Variants in CNTNAP2 observed in about 807,000 individuals in gnomAD.
CNTNAP2 encodes the protein contactin-associated protein-like 2.
CNTNAP2 carries 98 observed loss-of-function variants against 155.2 expected under a neutral mutation model. The observed-to-expected ratio is 0.63, with a 90% CI of 0.54 to 0.75. The LOEUF (loss-of-function observed/expected upper bound fraction) is 0.75, where lower values mean the gene tolerates loss of function less well. Ranked by LOEUF, CNTNAP2 falls within the 30% of genes least tolerant of loss-of-function variation. The pLI is 0.00. For missense variants in CNTNAP2, 1,727 were observed against 1,688.1 expected (o/e 1.02, Z -0.40); for synonymous variants, 651 against 631.2 (o/e 1.03, Z -0.47).
rs530451910 is a variant in CNTNAP2, at chr7:148,006,582, G to A, written c.2383+28593G>A. On this transcript the variant is annotated intron_variant, in intron 15 of 23. Coordinates refer to ENST00000361727, the MANE Select transcript of CNTNAP2 (RefSeq NM_014141.6). ...GATCTGCCTGCCTCGGCCTTCCAAA[G>A]TGCTGGGATTACAGGCATAAGCCAC... 2.7e-5 allele frequency among the ~76,000 whole-genome samples: 4 copies of A among 149,496 alleles called. No homozygotes were observed. The East Asian group carries it at 7.9e-4, about 30-fold the overall frequency.
At chr7:147,298,277 AG>A (rs1794875113) in intron 8 of CNTNAP2, among the ~76,000 whole-genome samples, 1 of 152,026 alleles carries the variant, frequency 6.6e-6, no homozygotes, top group Non-Finnish European at 1.5e-5. Flanking sequence ...ATACAAAATT[AG>A]CCAGCTGTGG....
intron 15 of CNTNAP2, among the ~76,000 whole-genome samples, chr7:148,101,872 T>C (rs1326922999): frequency 1.3e-5 from 2 of 152,198 alleles, no homozygotes; most frequent in Non-Finnish European, 2.9e-5. Context: ...TTAAATTCAC[T>C]TTTAAAAATA....
At chr7:146,720,274 C>A (rs1563202433) in intron 1 of CNTNAP2, among the ~76,000 whole-genome samples, 1 of 152,068 alleles carries the variant, frequency 6.6e-6, no homozygotes, top group Non-Finnish European at 1.5e-5. Context: ...GTTTCTCCAG[C>A]CCCATTTATC....
chr7:146,684,703 T>G (rs1874136), intron 1 of CNTNAP2, among the ~76,000 whole-genome samples: 1 of 146,654 alleles, frequency 6.8e-6, no homozygotes, highest in Non-Finnish European at 1.5e-5. Flanking sequence ...TGTGACCTGG[T>G]GCAATTACTA....
chr7:147,782,113 C>A (rs1210177946), intron 13 of CNTNAP2, among the ~76,000 whole-genome samples: 1 of 151,650 alleles, frequency 6.6e-6, no homozygotes, highest in East Asian at 1.9e-4. Context: ...TGTTCCAGTG[C>A]GTGTCTAATA....
chr7:146,595,302 A>C (rs1798844006), intron 1 of CNTNAP2, among the ~76,000 whole-genome samples: 2 of 152,078 alleles, frequency 1.3e-5, no homozygotes, highest in South Asian at 4.1e-4. Context: ...ACATTGTCAC[A>C]TGCCTCAAAT....
At chr7:147,884,042 T>A (rs2116720422) in intron 13 of CNTNAP2, among the ~76,000 whole-genome samples, 1 of 152,288 alleles carries the variant, frequency 6.6e-6, no homozygotes, top group South Asian at 2.1e-4. Flanking sequence ...GGTTATTAAG[T>A]GAAAGCCAGC....
chr7:146,825,297 G>A (rs763778234), intron 2 of CNTNAP2, among the ~76,000 whole-genome samples: 3 of 152,080 alleles, frequency 2.0e-5, no homozygotes, highest in African/African-American at 4.8e-5. Context: ...AGCTGGATAT[G>A]TGTGCCATTC....
intron 13 of CNTNAP2, among the ~76,000 whole-genome samples, chr7:147,663,187 C>G (rs960082442): frequency 5.3e-5 from 8 of 152,276 alleles, no homozygotes; most frequent in East Asian, 1.9e-4. Context: ...TTCGTAGGGA[C>G]GGGTTTCACC....
intron 1 of CNTNAP2, among the ~76,000 whole-genome samples, chr7:146,731,817 G>A (rs1267811027): frequency 6.6e-6 from 1 of 151,960 alleles, no homozygotes; most frequent in African/African-American, 2.4e-5. Context: ...TCTGCATAAG[G>A]CACAGTGTCT....
intron 3 of CNTNAP2, among the ~76,000 whole-genome samples, chr7:147,041,091 T>C (rs1432142059): frequency 6.6e-6 from 1 of 152,204 alleles, no homozygotes; most frequent in Non-Finnish European, 1.5e-5. Context: ...CTGGATCTCA[T>C]TAATATGGCT....
intron 9 of CNTNAP2, among the ~76,000 whole-genome samples, chr7:147,351,721 A>G (rs1795970410): frequency 6.6e-6 from 1 of 151,828 alleles, no homozygotes. Context: ...TTGATGCACT[A>G]GAACTCCAAG....
intron 1 of CNTNAP2, among the ~76,000 whole-genome samples, chr7:146,735,667 C>T (rs1801604030): frequency 7.4e-6 from 1 of 135,700 alleles, no homozygotes; most frequent in African/African-American, 3.8e-5. Flanking sequence ...ATGTTTATAG[C>T]TATTTATATA....
At chr7:147,604,611 G>A (rs1801026875) in intron 12 of CNTNAP2, among the ~76,000 whole-genome samples, 1 of 152,186 alleles carries the variant, frequency 6.6e-6, no homozygotes, top group Non-Finnish European at 1.5e-5. Context: ...ATTTGGAATA[G>A]GAAGCATAAT....
At chr7:146,361,288 A>T (rs1327516981) in intron 1 of CNTNAP2, among the ~76,000 whole-genome samples, 1 of 152,136 alleles carries the variant, frequency 6.6e-6, no homozygotes, top group African/African-American at 2.4e-5. Context: ...TTCAGAGGGC[A>T]TACTTTTTGT....
At chr7:147,962,931 A>G (rs1039634698) in intron 14 of CNTNAP2, among the ~76,000 whole-genome samples, 2 of 152,182 alleles carry the variant, frequency 1.3e-5, no homozygotes, top group Admixed American at 1.3e-4. Flanking sequence ...AAATTATGTT[A>G]TCAAAATCTT....
At chr7:147,321,111 G>A (rs1170636195) in intron 9 of CNTNAP2, among the ~76,000 whole-genome samples, 3 of 152,166 alleles carry the variant, frequency 2.0e-5, no homozygotes, top group Admixed American at 6.5e-5. Context: ...TTACCTCTGT[G>A]TTCTGCCAAT....
At chr7:147,705,536 G>GA (rs1454983910) in intron 13 of CNTNAP2, among the ~76,000 whole-genome samples, 1 of 152,162 alleles carries the variant, frequency 6.6e-6, no homozygotes, top group Non-Finnish European at 1.5e-5. Context: ...GCTGCTGAAT[G>GA]AAGTGTTCTC....
chr7:146,490,643 A>G (rs1314211142), intron 1 of CNTNAP2, among the ~76,000 whole-genome samples: 1 of 152,234 alleles, frequency 6.6e-6, no homozygotes, highest in Non-Finnish European at 1.5e-5. Context: ...ATACTAAGAT[A>G]AAGGTGTATC....
Sources: gnomAD v4.1 joint callset for allele counts (sites outside exome capture counted in the v4.1 genomes callset) on GRCh38, gnomAD v4.1.1 for gene constraint, MANE v1.5 for transcripts, NCBI Gene and HGNC (gene_info 2026-07-23, HGNC 2026-07-21) for gene names.